Variants in MSI2 observed in about 807,000 individuals in gnomAD.
MSI2 encodes the protein musashi RNA binding protein 2.
Under a neutral mutation model 45.6 loss-of-function variants are expected in MSI2, and 17 were observed. The observed-to-expected ratio is 0.37, with a 90% CI of 0.26 to 0.56. The LOEUF is 0.56. Ranked by LOEUF, MSI2 falls within the 20% of genes least tolerant of loss-of-function variation. The pLI is 0.77. For missense variants in MSI2, 293 were observed against 444.2 expected (o/e 0.66, Z 3.06); for synonymous variants, 156 against 158.2 (o/e 0.99, Z 0.11).
intron 5 of MSI2, among the ~76,000 whole-genome samples, chr17:57,363,085 C>A (rs575582140): frequency 6.6e-6 from 1 of 152,290 alleles, no homozygotes; most frequent in East Asian, 1.9e-4. Context: ...GCATTATTCA[C>A]AATAGCCAAA....
At chr17:57,632,212 TGG>T in intron 10 of MSI2, 1 of 1,116,330 alleles carries the variant, frequency 9.0e-7, no homozygotes, top group Non-Finnish European at 1.1e-6. Context: ...GGACATATCA[TGG>T]GGTGAGCTTT....
At chr17:57,602,332 T>C (rs1905983212) in intron 8 of MSI2, among the ~76,000 whole-genome samples, 2 of 151,950 alleles carry the variant, frequency 1.3e-5, no homozygotes, top group African/African-American at 4.8e-5. Context: ...CTGCTTTCTG[T>C]TTTTTGTTTT....
chr17:57,332,187 A>C (rs986581284), intron 5 of MSI2, among the ~76,000 whole-genome samples: 11 of 144,430 alleles, frequency 7.6e-5, no homozygotes, highest in African/African-American at 2.9e-4. Flanking sequence ...TGCAACCTCC[A>C]CCTCCGCGGT....
At chr17:57,542,905 GC>G (rs771110290) in intron 7 of MSI2, among the ~76,000 whole-genome samples, 2 of 152,166 alleles carry the variant, frequency 1.3e-5, no homozygotes, top group Non-Finnish European at 2.9e-5. Context: ...TTCCTTTGTG[GC>G]ACTTCTCAGT....
chr17:57,563,098 CAAAAAAAAAAA>C lies in MSI2; in HGVS notation c.454+33387_454+33397del, dbSNP rs59975200. Among the ~76,000 whole-genome samples, 481 of 71,284 alleles carry C rather than the reference CAAAAAAAAAAA, an allele frequency of 6.7e-3. 5 individuals carry two copies. The highest frequency in any genetic ancestry group is 0.027 in the African/African-American group (459 of 17,118). The allele number at this position is 71,284 out of a possible 152,430, so 46.8% of individuals were successfully genotyped here. A position where few individuals can be genotyped will look rare whatever the true frequency, so the allele number is the denominator to read the frequency against. ...GGGTGACAGAGCAAAACTTCGTCTCCAAAAAAAAAAAAAAAAAAAAAAACAGTGCATAGATT... is the reference window on the plus strand; with the variant it reads ...GGGTGACAGAGCAAAACTTCGTCTCCAAAAAAAAAAAACAGTGCATAGATT... On this transcript the variant is annotated intron_variant, in intron 7 of 13. Coordinates refer to ENST00000284073, the MANE Select transcript of MSI2 (RefSeq NM_138962.4).
At chr17:57,289,805 G>A (rs1910251308) in intron 5 of MSI2, among the ~76,000 whole-genome samples, 1 of 152,224 alleles carries the variant, frequency 6.6e-6, no homozygotes, top group Non-Finnish European at 1.5e-5. Flanking sequence ...CCGGCAGCCC[G>A]GTGCACCCTG....
At chr17:57,599,234 T>C (rs374073778) in intron 8 of MSI2, among the ~76,000 whole-genome samples, 1 of 152,222 alleles carries the variant, frequency 6.6e-6, no homozygotes, top group East Asian at 1.9e-4. Flanking sequence ...GTTGACAGGC[T>C]TTGAAACAAA....
At chr17:57,619,109 C>A (rs558715036) in intron 9 of MSI2, among the ~76,000 whole-genome samples, 1 of 152,312 alleles carries the variant, frequency 6.6e-6, no homozygotes, top group East Asian at 1.9e-4. Flanking sequence ...CAGGTCCTGT[C>A]AGTTGACAAA....
intron 6 of MSI2, among the ~76,000 whole-genome samples, chr17:57,496,685 A>G (rs1282963364): frequency 6.6e-6 from 1 of 152,190 alleles, no homozygotes; most frequent in African/African-American, 2.4e-5. Flanking sequence ...CCCTGGCTCC[A>G]GCGCATTCAT....
intron 7 of MSI2, among the ~76,000 whole-genome samples, chr17:57,590,520 A>C (rs1253019290): frequency 6.6e-6 from 1 of 152,228 alleles, no homozygotes; most frequent in African/African-American, 2.4e-5. Flanking sequence ...TTAAATGCTT[A>C]TCTCTTAAAT....
At chr17:57,588,316 C>A (rs1904507134) in intron 7 of MSI2, among the ~76,000 whole-genome samples, 1 of 152,292 alleles carries the variant, frequency 6.6e-6, no homozygotes, top group East Asian at 1.9e-4. Flanking sequence ...AGCGTGCCTG[C>A]CCCTTTTCTT....
At chr17:57,610,042 A>G (rs1350793626) in intron 8 of MSI2, among the ~76,000 whole-genome samples, 1 of 152,200 alleles carries the variant, frequency 6.6e-6, no homozygotes, top group African/African-American at 2.4e-5. Context: ...AAACAAGCGT[A>G]TGGAAGGTAA....
At chr17:57,363,401 CAGAA>C (rs1567781242) in intron 5 of MSI2, among the ~76,000 whole-genome samples, 2 of 152,134 alleles carry the variant, frequency 1.3e-5, no homozygotes, top group Non-Finnish European at 2.9e-5. Flanking sequence ...AGCTCTGTGA[CAGAA>C]AGAGTGGCGA....
intron 6 of MSI2, among the ~76,000 whole-genome samples, chr17:57,419,071 A>G (rs957404687): frequency 6.6e-6 from 1 of 152,196 alleles, no homozygotes; most frequent in African/African-American, 2.4e-5. Context: ...AAATTAGTCC[A>G]AGGCAGGTAG....
At chr17:57,566,687 G>A (rs2144281834) in intron 7 of MSI2, among the ~76,000 whole-genome samples, 1 of 152,330 alleles carries the variant, frequency 6.6e-6, no homozygotes, top group Non-Finnish European at 1.5e-5. Context: ...TGAGGATTTG[G>A]CTCATCTCAG....
chr17:57,615,216 C>T (rs1907567226), intron 8 of MSI2, among the ~76,000 whole-genome samples: 1 of 151,474 alleles, frequency 6.6e-6, no homozygotes, highest in South Asian at 2.1e-4. Context: ...CAGCCTTGAC[C>T]TCCCAGACTC....
intron 5 of MSI2, among the ~76,000 whole-genome samples, chr17:57,393,449 G>A (rs2083831725): frequency 2.0e-5 from 3 of 152,160 alleles, no homozygotes; most frequent in Non-Finnish European, 4.4e-5. Context: ...TGCAGCATGT[G>A]TCAGTACCTC....
At chr17:57,322,459 T>C (rs1913427769) in intron 5 of MSI2, among the ~76,000 whole-genome samples, 1 of 152,194 alleles carries the variant, frequency 6.6e-6, no homozygotes, top group African/African-American at 2.4e-5. Context: ...ATGGAAACTA[T>C]TTTTGGCCAT....
At chr17:57,307,132 T>C (rs1396306518) in intron 5 of MSI2, among the ~76,000 whole-genome samples, 2 of 152,248 alleles carry the variant, frequency 1.3e-5, no homozygotes. Context: ...CCTAACACTC[T>C]GTGCAACCCC....
Sources: gnomAD v4.1 joint callset for allele counts (sites outside exome capture counted in the v4.1 genomes callset) on GRCh38, gnomAD v4.1.1 for gene constraint, MANE v1.5 for transcripts, NCBI Gene and HGNC (gene_info 2026-07-23, HGNC 2026-07-21) for gene names.